Variants in STXBP2 observed in about 807,000 individuals in gnomAD.
STXBP2 encodes syntaxin binding protein 2.
A neutral mutation model predicts 72.2 loss-of-function variants in STXBP2; 47 were observed. The observed-to-expected ratio is 0.65, with a 90% CI of 0.51 to 0.83. STXBP2 has a LOEUF of 0.83. STXBP2 is among the 40% of genes least tolerant of loss of function. STXBP2 has a pLI of 0.00. For missense variants in STXBP2, 702 were observed against 807.6 expected (o/e 0.87, Z 1.58); for synonymous variants, 367 against 338.7 (o/e 1.08, Z -0.92).
At chr19:7,630,879 G>A in the STXBP2 span, 1 of 1,537,122 alleles carries the variant, frequency 6.5e-7, no homozygotes, top group Non-Finnish European at 8.7e-7. Flanking sequence ...CAGAGGGATG[G>A]AGGAGGCTGG....
intron 4 of STXBP2, chr19:7,640,088 G>C (rs1599392137): frequency 3.3e-6 from 2 of 609,126 alleles, no homozygotes; most frequent in Non-Finnish European, 6.0e-6. Flanking sequence ...CTGTGGGTCT[G>C]TGTGTGCATT....
At chr19:7,640,506 GTGTGTGCA>G (rs754007987) in intron 4 of STXBP2, 80 of 608,760 alleles carry the variant, frequency 1.3e-4, no homozygotes, top group Admixed American at 5.2e-4. Context: ...GCATCTGTGT[GTGTGTGCA>G]TGTGTGCATG....
chr19:7,636,984 A>G, upstream of STXBP2: 1 of 652,382 alleles, frequency 1.5e-6, no homozygotes, highest in East Asian at 4.0e-5. Context: ...CCTCCCCGCC[A>G]GGGACTCAAC....
chr19:7,639,859 CATGTGT>C (rs1396802602), intron 4 of STXBP2, 52 bp downstream of exon 4: 5 of 1,576,808 alleles, frequency 3.2e-6, no homozygotes, highest in East Asian at 4.5e-5. Context: ...TGTACATGTG[CATGTGT>C]GTGTATGTCT....
At chr19:7,639,644 C>G (rs911006295) in intron 3 of STXBP2, 87 bp from the exon 4 acceptor site, 7 of 1,303,842 alleles carry the variant, frequency 5.4e-6, no homozygotes, top group Non-Finnish European at 7.6e-6. Context: ...CCCTCCTCCC[C>G]AAGCCTCCAA....
intron 1 of STXBP2, 53 bp from the exon 2 acceptor site, chr19:7,638,670 GGCA>G: frequency 6.3e-7 from 1 of 1,595,178 alleles, no homozygotes; most frequent in South Asian, 1.1e-5. Flanking sequence ...GAAGGCTTGG[GGCA>G]GTGGTGGGAC....
chr19:7,637,207 G>A, intron 1 of STXBP2, 21 bp downstream of exon 1: 1 of 1,241,994 alleles, frequency 8.1e-7, no homozygotes, highest in Non-Finnish European at 1.0e-6. Flanking sequence ...CTCCGGGGCC[G>A]GGCTCTGGCG....
chr19:7,644,619 G>A lies in STXBP2; in HGVS notation c.1113G>A (p.Leu371=). The part of the protein sequence containing the change: ...VEKLCSVEQD[L]AMGSDAEGEK... The stretch of plus-strand genomic sequence containing the variant: ...GGCTGACCCCATGCCCGCAGGACCT[G>A]GCCATGGGCTCCGACGCAGAGGGGG... The change falls in exon 14 of 19, where the codon CTG becomes CTA. Residue 371 remains leucine (L), a synonymous_variant. Coordinates refer to ENST00000221283, the MANE Select transcript of STXBP2 (RefSeq NM_006949.4). 1 of 1,612,506 alleles carries A rather than the reference G, an allele frequency of 6.2e-7. No individual in the cohort carries two copies. The highest frequency in any genetic ancestry group is 1.1e-5 in the South Asian group (1 of 91,088).
Position 7,644,246 on chromosome 19 carries a change from T to C in STXBP2, c.1108-368T>C, listed in dbSNP as rs1170816944. ...GGAGAGGTGGGACCTGGGTGAGGGG[T>C]GGAACCTCGGAGAGGTGGGACCTGG... On this transcript the variant is annotated intron_variant, in intron 13 of 18. Transcript: ENST00000221283. 2.7e-5 allele frequency: 5 copies of C among 182,876 alleles called. 1 individual carries two copies. The highest frequency in any genetic ancestry group is 4.8e-5 in the Non-Finnish European group (5 of 104,798). 11.3% of individuals were successfully genotyped at this position (182,876 alleles called of 1,614,324 possible). A position where few individuals can be genotyped will look rare whatever the true frequency, so the allele number is the denominator to read the frequency against.
chr19:7,646,034 GCTCT>G, intron 15 of STXBP2: 1 of 588,714 alleles, frequency 1.7e-6, no homozygotes, highest in Non-Finnish European at 3.0e-6. Flanking sequence ...TCTCTGGCTC[GCTCT>G]CTCTCCCTTT....
chr19:7,635,360 G>A (rs2031487002), upstream of STXBP2, among the ~76,000 whole-genome samples: 1 of 152,248 alleles, frequency 6.6e-6, no homozygotes, highest in South Asian at 2.1e-4. Flanking sequence ...AGGTCAGCGA[G>A]TTGTATGGTA....
chr19:7,631,834 G>T, the STXBP2 span: 1 of 1,384,308 alleles, frequency 7.2e-7, no homozygotes. Flanking sequence ...GGTCAGCCAG[G>T]GGGAGGGCTC....
At position 7,647,255 on chromosome 19, in the gene STXBP2, C is replaced by T; in HGVS notation, c.1538+8C>T. On this transcript the variant is annotated splice_region_variant and intron_variant, in intron 17 of 18. Transcript: ENST00000221283. ...CTCCCAGGCCGCTGTCAGGTGAGGC[C>T]CCGGGGCCGCCCCCGCCCACGCCTG... The T allele has an allele frequency of 2.5e-6, 4 of 1,610,498 alleles. No homozygotes were observed. Among genetic ancestry groups the T allele is most frequent in the Non-Finnish European group, 3.4e-6 (4 of 1,179,264 alleles).
In STXBP2 at chr19:7,644,735, A is replaced by G. The variant is rs956797524; in HGVS notation, c.1229A>G (p.Tyr410Cys). Residue 410 changes from tyrosine (Y) to cysteine (C), a missense_variant, in exon 14 of 19, where the codon TAC becomes TGC. Coordinates refer to ENST00000221283, the MANE Select transcript of STXBP2 (RefSeq NM_006949.4). ...AYDKIRVLLL[Y>C]ILLRNGVSEE... is the part of the protein sequence containing the mutation. ...GACAAGATCCGGGTCCTGCTGCTCT[A>G]CATCCTCCTTCGGAATGGTGGGTGG... 6.2e-7 allele frequency: 1 copy of G among 1,613,624 alleles called. No homozygotes were observed. The highest frequency in any genetic ancestry group is 1.3e-5 in the African/African-American group (1 of 74,958).
chr19:7,640,121 CGTGT>C (rs1159639776), intron 4 of STXBP2: 4 of 517,622 alleles, frequency 7.7e-6, no homozygotes, highest in South Asian at 1.6e-5. Flanking sequence ...TGTGTGTATG[CGTGT>C]GTATGTATGT....
the STXBP2 span, chr19:7,629,985 A>C: frequency 1.7e-6 from 2 of 1,200,468 alleles, no homozygotes; most frequent in Non-Finnish European, 2.2e-6. Flanking sequence ...TTAAGATTTG[A>C]GAGGAACCTT....
rs1599390458 is a variant in STXBP2, at chr19:7,639,774, G to A, written c.213G>A (p.Leu71=). 1 of 1,613,822 alleles carries A rather than the reference G, an allele frequency of 6.2e-7. No individual in the cohort carries two copies. The highest frequency in any genetic ancestry group is 8.5e-7 in the Non-Finnish European group (1 of 1,179,986). ...AACGGCGGGAACCCATTCCCAGTCT[G>A]GAGGCCATTTATTTGCTGAGCCCCA... ...INKRREPIPS[L]EAIYLLSPTE... The change falls in exon 4 of 19, where the codon CTG becomes CTA. Residue 71 remains leucine (L), a synonymous_variant. Transcript: ENST00000221283.
intron 16 of STXBP2, 35 bp from the exon 17 acceptor site, chr19:7,647,126 TG>T: frequency 3.7e-6 from 6 of 1,608,228 alleles, no homozygotes; most frequent in Non-Finnish European, 5.1e-6. Flanking sequence ...ACCCCATGCC[TG>T]GGGTTCCTCC....
chr19:7,643,516 G>A (rs1436460738), intron 13 of STXBP2, among the ~76,000 whole-genome samples: 2 of 152,132 alleles, frequency 1.3e-5, no homozygotes, highest in African/African-American at 4.8e-5. Flanking sequence ...GTGGTCCCAG[G>A]ACAGGAATGT....
Sources: gnomAD v4.1 joint callset for allele counts (sites outside exome capture counted in the v4.1 genomes callset) on GRCh38, gnomAD v4.1.1 for gene constraint, MANE v1.5 for transcripts, NCBI Gene and HGNC (gene_info 2026-07-23, HGNC 2026-07-21) for gene names.